CDH26: variants seen among roughly 807,000 people sequenced by gnomAD.
CDH26 encodes cadherin-like protein 26.
CDH26 carries 83 observed loss-of-function variants against 90.3 expected under a neutral mutation model. The observed-to-expected ratio is 0.92, with a 90% confidence interval of 0.77 to 1.10. The LOEUF (loss-of-function observed/expected upper bound fraction) is 1.10, where lower values mean the gene tolerates loss of function less well. Ranked by LOEUF, CDH26 falls within the 50% of genes least tolerant of loss-of-function variation. The pLI is 0.00. For missense variants in CDH26, 1,013 were observed against 1,037.6 expected, an observed-to-expected ratio of 0.98 and a Z score of 0.33; for synonymous variants, 397 against 396.3, an observed-to-expected ratio of 1.00 and a Z score of -0.02.
exon 9 of CDH26, chr20:60,033,769 C>T (rs2062062957): frequency 6.2e-6 from 5 of 801,274 alleles, no homozygotes; most frequent in Non-Finnish European, 7.9e-6. Flanking sequence ...TCCAGGTAGA[C>T]AAGATGTGTG....
chr20:59,968,878 C>G, intron 1 of CDH26, 89 bp from the exon 2 acceptor site: 1 of 606,604 alleles, frequency 1.6e-6, no homozygotes, highest in Non-Finnish European at 2.8e-6. Context: ...TTCATCATTT[C>G]TAATTCTAGA....
At chr20:60,032,417 C>T (rs548553256) in intron 8 of CDH26, among the ~76,000 whole-genome samples, 2 of 152,274 alleles carry the variant, frequency 1.3e-5, no homozygotes, top group East Asian at 1.9e-4. Flanking sequence ...TGTGGTTCCT[C>T]TAGCAATGTA....
chr20:60,001,836 A>G (rs2061680927), intron 15 of CDH26, among the ~76,000 whole-genome samples: 1 of 152,216 alleles, frequency 6.6e-6, no homozygotes, highest in Non-Finnish European at 1.5e-5. Context: ...TACTCTACAT[A>G]CAAATTCCAG....
In CDH26 at chr20:59,992,584, C is replaced by A; in HGVS notation, c.1426+64C>A. 2.6e-6 allele frequency: 4 copies of A among 1,541,278 alleles called. No individual in the cohort carries two copies. Among genetic ancestry groups the A allele is most frequent in the South Asian group, 1.1e-5 (1 of 89,416 alleles). The stretch of plus-strand genomic sequence containing the variant: ...TTCTTGCTTCCTGCGGGAAAATAAC[C>A]CTGGTGAGCGTCTTTCAGCACAGCA... On this transcript the variant is annotated intron_variant, in intron 10 of 17. Coordinates refer to ENST00000348616, the MANE Select transcript of CDH26 (RefSeq NM_177980.4). This position sits in a 1 kb window ranked among gnomAD's most constrained non-coding sequence, Gnocchi z 5.0.
chr20:60,011,090 A>G (rs1022463066), intron 17 of CDH26, among the ~76,000 whole-genome samples: 9 of 152,288 alleles, frequency 5.9e-5, no homozygotes, highest in African/African-American at 1.2e-4. Flanking sequence ...TCTCGCCCCA[A>G]TGAGTGGAGA....
chr20:60,023,320 T>C (rs1288619871), intron 7 of CDH26, among the ~76,000 whole-genome samples: 2 of 152,236 alleles, frequency 1.3e-5, no homozygotes, highest in Non-Finnish European at 2.9e-5. Flanking sequence ...CCAGGTCTAA[T>C]CTTAACTGAT....
intron 1 of CDH26, among the ~76,000 whole-genome samples, chr20:59,965,012 T>G (rs1014965212): frequency 8.5e-5 from 13 of 152,228 alleles, no homozygotes; most frequent in Non-Finnish European, 1.6e-4. Context: ...CATTTAAAAA[T>G]TATACACCTG....
chr20:59,967,859 T>C (rs1256128528), intron 1 of CDH26, among the ~76,000 whole-genome samples: 7 of 115,798 alleles, frequency 6.0e-5, no homozygotes, highest in African/African-American at 3.3e-4. Context: ...CTTTCTTTCT[T>C]TCTTTCTTTC....
Position 59,984,627 on chromosome 20 carries a change from A to T in CDH26, c.542-12A>T. 1 of 1,601,664 alleles carries T rather than the reference A, an allele frequency of 6.2e-7. No individual in the cohort carries two copies. The highest frequency in any genetic ancestry group is 8.5e-7 in the Non-Finnish European group (1 of 1,176,078). ...TTATCTGATAGTAACAATTTTTAAA[A>T]ATTCTTTCTAGGGCAACCTATTTTT... On this transcript the variant is annotated splice_polypyrimidine_tract_variant and intron_variant, in intron 5 of 17. Transcript: ENST00000348616.
intron 13 of CDH26, among the ~76,000 whole-genome samples, chr20:59,999,373 C>T (rs777762525): frequency 1.2e-4 from 19 of 152,268 alleles, no homozygotes; most frequent in Admixed American, 3.3e-4. Context: ...AACCTCCCAG[C>T]GAGCAATTAC....
At chr20:59,966,114 T>C (rs7260981) in intron 1 of CDH26, among the ~76,000 whole-genome samples, 1,538 of 152,058 alleles carry the variant, frequency 0.01, 33 homozygotes, top group African/African-American at 0.035. Flanking sequence ...TGTGCATTGA[T>C]TGATTTTCTC....
At position 59,995,933 on chromosome 20, in the gene CDH26, T is replaced by A; in HGVS notation, c.1767T>A (p.Thr589=). Residue 589 remains threonine, a synonymous_variant, in exon 12 of 18, where the codon ACT becomes ACA. Transcript: ENST00000348616. ...AACAGGGACTTTCCCAGAAGCAAAC[T>A]GTCCATGTAAGGATCTGCCCCTGTG... is the stretch of plus-strand genomic sequence containing the variant. ...GDKQGLSQKQ[T]VHVRICPCAS... 6.2e-7 allele frequency: 1 copy of A among 1,614,254 alleles called. No individual in the cohort carries two copies. The highest frequency in any genetic ancestry group is 8.5e-7 in the Non-Finnish European group (1 of 1,180,040).
chr20:59,987,273 C>T (rs1275105216), intron 7 of CDH26, among the ~76,000 whole-genome samples, 180 bp from the exon 8 acceptor site: 1 of 152,168 alleles, frequency 6.6e-6, no homozygotes, highest in Non-Finnish European at 1.5e-5. Context: ...GACGGAGTTG[C>T]AAATCCCTTA....
rs998883274 is a variant in CDH26 at position 59,959,188 on chromosome 20, C to G, written c.69+393C>G. On this transcript the variant is annotated intron_variant, in intron 1 of 17. Coordinates refer to ENST00000348616, the MANE Select transcript of CDH26 (RefSeq NM_177980.4). ...TGATCAAGGCTCACTGCAGCTTTAACCTCCCAGGCTCAGGTGATCCTTCCA... is the reference window on the plus strand; with the variant it reads ...TGATCAAGGCTCACTGCAGCTTTAAGCTCCCAGGCTCAGGTGATCCTTCCA... Among the ~76,000 whole-genome samples, 9 of 152,234 alleles carry G rather than the reference C, an allele frequency of 5.9e-5. No homozygotes were observed. In the East Asian group the frequency reaches 1.7e-3, roughly 29 times the overall value.
At chr20:59,970,571 G>A (rs1300446555) in intron 3 of CDH26, among the ~76,000 whole-genome samples, 1 of 151,770 alleles carries the variant, frequency 6.6e-6, no homozygotes, top group Admixed American at 6.6e-5. Context: ...AGCACTTTGG[G>A]AGGCCGAGGC....
At chr20:60,024,395 T>C (rs1163033575) in intron 7 of CDH26, among the ~76,000 whole-genome samples, 2 of 152,248 alleles carry the variant, frequency 1.3e-5, no homozygotes, top group Admixed American at 6.5e-5. Flanking sequence ...TGCTCACGTG[T>C]GTAGATGATG....
At chr20:60,007,516 C>G (rs1370042569) in intron 17 of CDH26, among the ~76,000 whole-genome samples, 1 of 152,188 alleles carries the variant, frequency 6.6e-6, no homozygotes, top group Non-Finnish European at 1.5e-5. Context: ...TGTATTTATA[C>G]CCACTAAAAC....
At chr20:59,969,944 T>C in intron 2 of CDH26, 138 bp from the exon 3 acceptor site, 2 of 1,320,564 alleles carry the variant, frequency 1.5e-6, no homozygotes, top group Non-Finnish European at 2.0e-6. Context: ...TTTTCCAAGC[T>C]TAGGTGGCTG....
chr20:59,973,386 C>A, intron 4 of CDH26, among the ~76,000 whole-genome samples: 1 of 151,732 alleles, frequency 6.6e-6, no homozygotes, highest in Admixed American at 6.6e-5. Context: ...TTTTCCTTTC[C>A]TTTTATTATT....
Sources: allele counts gnomAD v4.1 joint callset (sites outside exome capture counted in the v4.1 genomes callset), GRCh38; gene constraint gnomAD v4.1.1; non-coding constraint Gnocchi (gnomAD v3.1); transcripts MANE v1.5; gene names NCBI Gene and HGNC (gene_info 2026-07-23, HGNC 2026-07-21).